Variants in MAP1A observed in about 807,000 individuals in gnomAD.
MAP1A encodes the protein microtubule associated protein 1A, also known as microtubule-associated protein 1A.
Under a neutral mutation model 185.9 loss-of-function variants are expected in MAP1A, and 42 were observed. The observed-to-expected ratio is 0.23, with a 90% CI of 0.18 to 0.29. The LOEUF is 0.29. Ranked by LOEUF, MAP1A falls within the 10% of genes least tolerant of loss-of-function variation. The pLI is 1.00. For missense variants in MAP1A, 2,995 were observed against 3,450.4 expected (o/e 0.87, Z 3.31); for synonymous variants, 1,229 against 1,335.9 (o/e 0.92, Z 1.74).
At position 43,520,512 on chromosome 15, in the gene MAP1A, C is replaced by A. The variant is rs949203824; in HGVS notation, c.-374-129C>A. 1.2e-5 allele frequency: 8 copies of A among 688,294 alleles called. No homozygotes were observed. In the African/African-American group the frequency reaches 1.4e-4, roughly 12 times the overall value. 42.6% of individuals were successfully genotyped at this position (688,294 alleles called of 1,614,324 possible). A position where few individuals can be genotyped will look rare whatever the true frequency, so the allele number is the denominator to read the frequency against. On this transcript the variant is annotated intron_variant, in intron 1 of 5. Transcript: ENST00000300231. ...TTCCTAGACCTTACTCAGCAGTATC[C>A]AAGGTGGCAGGGCCTAAGGATACCT...
At position 43,525,534 on chromosome 15, in the gene MAP1A, C is replaced by T. The variant is rs551412777; in HGVS notation, c.4061C>T (p.Ser1354Leu). ...DKVPGLKDRT[S>L]EQKKEPEPKD... Reference sequence around the variant, plus strand: ...GTTCCAGGGTTGAAAGACAGAACCTCAGAACAGAAGAAGGAACCTGAGCCA... The same window carrying T: ...GTTCCAGGGTTGAAAGACAGAACCTTAGAACAGAAGAAGGAACCTGAGCCA... Residue 1354 changes from serine (S) to leucine (L), a missense_variant, in exon 4 of 6, where the codon TCA becomes TTA. Around this residue, in one of 3 missense-constraint regions of MAP1A, gnomAD observed 2,728 missense variants for 2,986.0 expected, o/e 0.91. Transcript: ENST00000300231. The T allele has an allele frequency of 3.7e-6, 6 of 1,614,140 alleles. No individual in the cohort carries two copies. In the East Asian group the frequency reaches 1.3e-4, roughly 36 times the overall value.
rs766402801 is a variant in MAP1A at position 43,527,455 on chromosome 15, G to A, written c.5982G>A (p.Gly1994=). 1 of 1,614,166 alleles carries A rather than the reference G, an allele frequency of 6.2e-7. No individual in the cohort carries two copies. The highest frequency in any genetic ancestry group is 1.1e-5 in the South Asian group (1 of 91,088). ...GAGAGCCTCCACTTGGAGCAGCTGGGGATTGGCCCCCATGCCTCTCAACCA... is the reference window on the plus strand; with the variant it reads ...GAGAGCCTCCACTTGGAGCAGCTGGAGATTGGCCCCCATGCCTCTCAACCA... ...PTREPPLGAA[G]DWPPCLSTKE... The change falls in exon 4 of 6, where the codon GGG becomes GGA. Residue 1994 remains glycine (G), a synonymous_variant. Transcript: ENST00000300231.
chr15:43,511,002 C>T, exon 1 of MAP1A: 1 of 1,544,672 alleles, frequency 6.5e-7, no homozygotes, highest in Non-Finnish European at 8.7e-7. Context: ...GAGACCGAGG[C>T]CGAGCCTGCG....
Position 43,521,023 on chromosome 15 carries a change from G to A in MAP1A, c.-240G>A. The A allele has an allele frequency of 6.5e-7, 1 of 1,550,048 alleles. No homozygotes were observed. The highest frequency in any genetic ancestry group is 1.2e-5 in the South Asian group (1 of 84,040). On this transcript the variant is annotated 5_prime_UTR_variant, in exon 3 of 6. Transcript: ENST00000300231. The surrounding 1 kb of genome is among the most constrained non-coding windows in gnomAD (Gnocchi z 4.6). ...AGCTTATAAACTACTAATCTTGAGTGGGCAAAGTTTAGAGCCTGGGGGAGA... is the reference window on the plus strand; with the variant it reads ...AGCTTATAAACTACTAATCTTGAGTAGGCAAAGTTTAGAGCCTGGGGGAGA...
upstream of MAP1A, among the ~76,000 whole-genome samples, chr15:43,515,214 A>G (rs2140201262): frequency 6.6e-6 from 1 of 152,320 alleles, no homozygotes. Flanking sequence ...ATCTCAATAA[A>G]TAAATAAATA....
Position 43,525,466 on chromosome 15 carries a change from A to G in MAP1A, c.3993A>G (p.Pro1331=). The change falls in exon 4 of 6, where the codon CCA becomes CCG. Residue 1331 remains proline, a synonymous_variant. Transcript: ENST00000300231. ...TCTCCAAGAGTCCTGAGTCTTTGCC[A>G]GGCCCTGCCTTGGAGGACATTGCCA... ...SSFSKSPESL[P]GPALEDIAIK... is the part of the protein sequence containing the mutation. 1 of 1,614,240 alleles carries G rather than the reference A, an allele frequency of 6.2e-7. No individual in the cohort carries two copies. The highest frequency in any genetic ancestry group is 8.5e-7 in the Non-Finnish European group (1 of 1,180,032).
chr15:43,527,388 A>G lies in MAP1A; in HGVS notation c.5915A>G (p.Glu1972Gly). ...AGCTTTCAGTATGCAGACATCTATG[A>G]GCAGATGATGCTTACTGGGCTTGGC... The part of the protein sequence containing the change: ...ERSFQYADIY[E>G]QMMLTGLGPA... Residue 1972 changes from glutamate (E) to glycine (G), a missense_variant, in exon 4 of 6, where the codon GAG becomes GGG. By Grantham distance (98) the Glu-to-Gly change is moderately conservative (BLOSUM62 -2). This residue lies in a region of MAP1A where 2,728 missense variants were observed against 2,986.0 expected (regional missense o/e 0.91). Coordinates refer to ENST00000300231, the MANE Select transcript of MAP1A (RefSeq NM_002373.6). 6.2e-7 allele frequency: 1 copy of G among 1,614,164 alleles called. No individual in the cohort carries two copies. Among genetic ancestry groups the G allele is most frequent in the South Asian group, 1.1e-5 (1 of 91,084 alleles).
In MAP1A at chr15:43,523,747, G is replaced by C. The variant is rs1225955035; in HGVS notation, c.2274G>C (p.Glu758Asp). 6.2e-7 allele frequency: 1 copy of C among 1,613,926 alleles called. No homozygotes were observed. Among genetic ancestry groups the C allele is most frequent in the East Asian group, 2.2e-5 (1 of 44,886 alleles). Residue 758 changes from glutamate (E) to aspartate (D), a missense_variant, in exon 4 of 6, where the codon GAG (glutamate) becomes GAC (aspartate). Physicochemically the swap from Glu to Asp is conservative, Grantham distance 45. Transcript: ENST00000300231. ...QTISDEEIHDEPEERPAPPRF... is the reference protein window; with the variant it reads ...QTISDEEIHDDPEERPAPPRF... Reference sequence around the variant, plus strand: ...TCTCAGATGAGGAGATCCATGATGAGCCGGAGGAGCGCCCAGCTCCACCCA... The same window carrying C: ...TCTCAGATGAGGAGATCCATGATGACCCGGAGGAGCGCCCAGCTCCACCCA...
In MAP1A at chr15:43,522,500, G is replaced by C. The variant is rs1279198445; in HGVS notation, c.1027G>C (p.Glu343Gln). 1.2e-6 allele frequency: 2 copies of C among 1,613,788 alleles called. No homozygotes were observed. The highest frequency in any genetic ancestry group is 1.7e-6 in the Non-Finnish European group (2 of 1,179,950). Residue 343 changes from glutamate (E) to glutamine (Q), a missense_variant, in exon 4 of 6, where the codon GAG becomes CAG. Coordinates refer to ENST00000300231, the MANE Select transcript of MAP1A (RefSeq NM_002373.6). The surrounding 1 kb of genome is among the most constrained non-coding windows in gnomAD (Gnocchi z 5.9). ...KLAKREEVVE[E>Q]GAKEARSELA... is the part of the protein sequence containing the mutation. The stretch of plus-strand genomic sequence containing the variant: ...GGCCAAACGGGAGGAGGTGGTAGAA[G>C]AGGGAGCCAAGGAGGCACGTTCAGA...
rs1272697078 is a variant in MAP1A at position 43,529,486 on chromosome 15, C to G, written c.8013C>G (p.Val2671=). Residue 2671 remains valine, a synonymous_variant, in exon 4 of 6, where the codon GTC becomes GTG. Coordinates refer to ENST00000300231, the MANE Select transcript of MAP1A (RefSeq NM_002373.6). The surrounding 1 kb of genome is among the most constrained non-coding windows in gnomAD (Gnocchi z 4.3). The stretch of plus-strand genomic sequence containing the variant: ...ACAGCCCCATGTCCAAAGGCCTAGT[C>G]AATGGACTCAAGGCAGGACCAAGTA... The part of the protein sequence containing the change: ...DGHSPMSKGL[V]NGLKAGPMAL... The G allele has an allele frequency of 1.2e-6, 2 of 1,608,778 alleles. No individual in the cohort carries two copies. Among genetic ancestry groups the G allele is most frequent in the Middle Eastern group, 1.7e-4 (1 of 6,048 alleles).
At chr15:43,518,426 C>T (rs1411483007) in intron 1 of MAP1A, among the ~76,000 whole-genome samples, 1 of 152,162 alleles carries the variant, frequency 6.6e-6, no homozygotes, top group African/African-American at 2.4e-5. Flanking sequence ...AGCCCTACCC[C>T]CACCTCATCT....
At position 43,522,899 on chromosome 15, in the gene MAP1A, T is replaced by C. The variant is rs377400737; in HGVS notation, c.1426T>C (p.Tyr476His). The C allele has an allele frequency of 6.2e-7, 1 of 1,612,756 alleles. No individual in the cohort carries two copies. Among genetic ancestry groups the C allele is most frequent in the Non-Finnish European group, 8.5e-7 (1 of 1,179,396 alleles). The stretch of plus-strand genomic sequence containing the variant: ...TACTCCTGAGGTACGTAAGACCCTC[T>C]ATAAAGCCAAGGTCCCTGGAAGAGT... Reference protein sequence around the residue: ...PFTPEVRKTLYKAKVPGRVKI... With the variant: ...PFTPEVRKTLHKAKVPGRVKI... Residue 476 changes from tyrosine (Y) to histidine (H), a missense_variant, in exon 4 of 6, where the codon TAT (tyrosine) becomes CAT (histidine). Around this residue, in one of 3 missense-constraint regions of MAP1A, gnomAD observed 2,728 missense variants for 2,986.0 expected, o/e 0.91. Transcript: ENST00000300231. The surrounding 1 kb of genome is among the most constrained non-coding windows in gnomAD (Gnocchi z 5.9).
chr15:43,530,437 G>A lies in MAP1A; in HGVS notation c.*213G>A. 1 of 594,356 alleles carries A rather than the reference G, an allele frequency of 1.7e-6. No homozygotes were observed. Among genetic ancestry groups the A allele is most frequent in the South Asian group, 2.0e-5 (1 of 49,320 alleles). 36.8% of individuals were successfully genotyped at this position (594,356 alleles called of 1,614,324 possible). ...CTCAAACCAAAGTTAACAGGGAGAG[G>A]ATGGGGGAGGGGACAAATTAGAATA... On this transcript the variant is annotated 3_prime_UTR_variant, in exon 6 of 6. Coordinates refer to ENST00000300231, the MANE Select transcript of MAP1A (RefSeq NM_002373.6).
At chr15:43,512,942 G>C (rs1357887247), upstream of MAP1A, among the ~76,000 whole-genome samples, 1 of 152,130 alleles carries the variant, frequency 6.6e-6, no homozygotes, top group Non-Finnish European at 1.5e-5. Context: ...GGGAGGAATG[G>C]GTGGGTTAGA....
Position 43,511,050 on chromosome 15 carries a change from TGGGGCTCC to T in MAP1A, c.64_71del (p.Gly22LysfsTer54). On this transcript the variant is annotated frameshift_variant, in exon 1 of 7. Coordinates refer to the MAP1A transcript ENST00000382031. LOFTEE classifies it high-confidence loss of function. ...GTTGCCATGGAGACAACTCCGGGGCTGGGGCTCCGAAGTCCCGGCGCACCGCTGGCTCA... is the reference window on the plus strand; with the variant it reads ...GTTGCCATGGAGACAACTCCGGGGCTGAAGTCCCGGCGCACCGCTGGCTCA... 1 of 1,549,132 alleles carries T rather than the reference TGGGGCTCC, an allele frequency of 6.5e-7. No homozygotes were observed. Among genetic ancestry groups the T allele is most frequent in the Non-Finnish European group, 8.7e-7 (1 of 1,146,382 alleles).
Position 43,524,637 on chromosome 15 carries a change from A to G in MAP1A, c.3164A>G (p.Glu1055Gly). 1.2e-6 allele frequency: 2 copies of G among 1,614,172 alleles called. No homozygotes were observed. The highest frequency in any genetic ancestry group is 1.7e-6 in the Non-Finnish European group (2 of 1,180,024). The change falls in exon 4 of 6, where the codon GAG (glutamate) becomes GGG (glycine). Residue 1055 changes from glutamate (E) to glycine (G), a missense_variant. Transcript: ENST00000300231. Reference protein sequence around the residue: ...AEETVKPGPEEGTLEKEEKVP... With the variant: ...AEETVKPGPEGGTLEKEEKVP... Reference sequence around the variant, plus strand: ...GAGACAGTCAAGCCAGGGCCTGAAGAGGGCACACTAGAGAAGGAAGAGAAA... The same window carrying G: ...GAGACAGTCAAGCCAGGGCCTGAAGGGGGCACACTAGAGAAGGAAGAGAAA...
intron 1 of MAP1A, among the ~76,000 whole-genome samples, chr15:43,520,080 A>T (rs2079313515): frequency 6.6e-6 from 1 of 152,212 alleles, no homozygotes; most frequent in South Asian, 2.1e-4. Flanking sequence ...CCAAAAATTT[A>T]GATAGCACAG....
Position 43,531,460 on chromosome 15 carries a change from CTG to C in MAP1A, c.*1237_*1238del, listed in dbSNP as rs887438288. 2 of 152,728 alleles carry C rather than the reference CTG, an allele frequency of 1.3e-5. No individual in the cohort carries two copies. The highest frequency in any genetic ancestry group is 4.8e-5 in the African/African-American group (2 of 41,450). The allele number at this position is 152,728 out of a possible 1,614,324, so 9.5% of individuals were successfully genotyped here. A position where few individuals can be genotyped will look rare whatever the true frequency, so the allele number is the denominator to read the frequency against. On this transcript the variant is annotated 3_prime_UTR_variant, in exon 6 of 6. Coordinates refer to ENST00000300231, the MANE Select transcript of MAP1A (RefSeq NM_002373.6). ...TGGGCTTGCCTTCTCTGCCAAACGA[CTG>C]GGAAACCAAAATGAGCCCACCTTGT...
At position 43,529,982 on chromosome 15, in the gene MAP1A, C is replaced by T; in HGVS notation, c.8257-87C>T. On this transcript the variant is annotated intron_variant, in intron 5 of 5. Transcript: ENST00000300231. This position sits in a 1 kb window ranked among gnomAD's most constrained non-coding sequence, Gnocchi z 4.3. ...TGGGCCTTTTCTAAGGGCAGCAGAG[C>T]TGCTTCTGAGACCATGAGGTGCCCC... is the stretch of plus-strand genomic sequence containing the variant. 1 of 1,557,264 alleles carries T rather than the reference C, an allele frequency of 6.4e-7. No individual in the cohort carries two copies. Among genetic ancestry groups the T allele is most frequent in the Non-Finnish European group, 8.8e-7 (1 of 1,133,838 alleles).
Sources: allele counts gnomAD v4.1 joint callset (sites outside exome capture counted in the v4.1 genomes callset), GRCh38; gene constraint gnomAD v4.1.1; regional missense constraint gnomAD v4.1.1; non-coding constraint Gnocchi (gnomAD v3.1); transcripts MANE v1.5; gene names NCBI Gene and HGNC (gene_info 2026-07-23, HGNC 2026-07-21).